The following SCHIP1 variants were observed in gnomAD, a reference collection of about 807,000 sequenced individuals.
SCHIP1 encodes schwannomin-interacting protein 1.
A neutral mutation model predicts 29.7 loss-of-function variants in SCHIP1; 8 were observed. That is an observed-to-expected ratio of 0.27 (90% confidence interval 0.16 to 0.49). The LOEUF (loss-of-function observed/expected upper bound fraction) is 0.49. Ranked by LOEUF, SCHIP1 falls within the 20% of genes least tolerant of loss-of-function variation. SCHIP1 has a pLI of 0.99. For missense variants in SCHIP1, 193 were observed against 294.6 expected, an observed-to-expected ratio of 0.66 and a Z score of 2.52; for synonymous variants, 76 against 94.9, an observed-to-expected ratio of 0.80 and a Z score of 1.16.
the SCHIP1 span, among the ~76,000 whole-genome samples, chr3:159,641,036 C>T: frequency 3.9e-5 from 6 of 152,038 alleles, no homozygotes; most frequent in East Asian, 1.9e-4. Flanking sequence ...AGCTGGAAAA[C>T]GAAGCCTAAA....
chr3:159,284,049 T>C, the SCHIP1 span, among the ~76,000 whole-genome samples: 1 of 152,230 alleles, frequency 6.6e-6, no homozygotes, highest in Admixed American at 6.5e-5. Context: ...GAATCAGGGC[T>C]GTGCAAGCTT....
At chr3:159,505,974 G>T in the SCHIP1 span, among the ~76,000 whole-genome samples, 16 of 152,026 alleles carry the variant, frequency 1.1e-4, no homozygotes, top group Non-Finnish European at 1.9e-4. Context: ...TAATCCTTTG[G>T]GTATATACCC....
chr3:159,826,154 AT>A, the SCHIP1 span, among the ~76,000 whole-genome samples: 1 of 152,214 alleles, frequency 6.6e-6, no homozygotes, highest in African/African-American at 2.4e-5. Context: ...TTTTAGAAGT[AT>A]TTTTAATTCA....
chr3:159,746,740 T>C, the SCHIP1 span, among the ~76,000 whole-genome samples: 1 of 152,228 alleles, frequency 6.6e-6, no homozygotes, highest in East Asian at 1.9e-4. Context: ...TCTTTCCAGC[T>C]ATTCTATACC....
chr3:159,867,778 C>A (rs1037329760), intron 2 of SCHIP1, among the ~76,000 whole-genome samples: 2 of 152,024 alleles, frequency 1.3e-5, no homozygotes, highest in African/African-American at 4.8e-5. Flanking sequence ...TAACAATTTA[C>A]TTAGTTTTAC....
At chr3:159,336,891 T>C in the SCHIP1 span, among the ~76,000 whole-genome samples, 4 of 152,192 alleles carry the variant, frequency 2.6e-5, no homozygotes, top group African/African-American at 9.7e-5. Flanking sequence ...AAGTCATTGG[T>C]AGCTTGATGG....
chr3:159,346,715 G>T, the SCHIP1 span, among the ~76,000 whole-genome samples: 1 of 152,098 alleles, frequency 6.6e-6, no homozygotes, highest in South Asian at 2.1e-4. Context: ...AGGGAAATAC[G>T]TGTGTGTGGG....
At chr3:159,426,955 T>G in the SCHIP1 span, among the ~76,000 whole-genome samples, 8 of 152,152 alleles carry the variant, frequency 5.3e-5, no homozygotes, top group Non-Finnish European at 7.3e-5. Flanking sequence ...CTCAATAGAT[T>G]CAGAAAAGGC....
the SCHIP1 span, among the ~76,000 whole-genome samples, chr3:159,802,012 G>A: frequency 1.3e-4 from 20 of 152,072 alleles, no homozygotes; most frequent in African/African-American, 4.8e-4. Flanking sequence ...GGCCACCATG[G>A]TTATAAAATT....
the SCHIP1 span, among the ~76,000 whole-genome samples, chr3:159,573,613 C>T: frequency 3.3e-5 from 5 of 152,214 alleles, no homozygotes; most frequent in East Asian, 9.7e-4. Flanking sequence ...CGAGGAATAT[C>T]TTTGTGGCAT....
chr3:159,612,452 T>G, the SCHIP1 span, among the ~76,000 whole-genome samples: 2 of 152,210 alleles, frequency 1.3e-5, no homozygotes, highest in Non-Finnish European at 2.9e-5. Context: ...AATATTTATA[T>G]TAAGAATTGT....
At chr3:159,731,310 A>G in the SCHIP1 span, among the ~76,000 whole-genome samples, 3 of 152,244 alleles carry the variant, frequency 2.0e-5, no homozygotes, top group Non-Finnish European at 2.9e-5. Flanking sequence ...AATCAACAGG[A>G]CAGCTTTGCA....
the SCHIP1 span, among the ~76,000 whole-genome samples, chr3:159,806,657 C>T: frequency 6.6e-6 from 1 of 152,228 alleles, no homozygotes; most frequent in Admixed American, 6.5e-5. Flanking sequence ...GCAGCAGCCA[C>T]AGCTGTAGAA....
the SCHIP1 span, among the ~76,000 whole-genome samples, chr3:159,400,829 A>C: frequency 6.6e-6 from 1 of 152,220 alleles, no homozygotes; most frequent in South Asian, 2.1e-4. Context: ...ACATAAGCAC[A>C]TAATATCCAT....
At chr3:159,622,947 G>C in the SCHIP1 span, among the ~76,000 whole-genome samples, 8 of 152,160 alleles carry the variant, frequency 5.3e-5, no homozygotes, top group African/African-American at 1.9e-4. Context: ...AATTTACATG[G>C]AGGAAACATA....
the SCHIP1 span, among the ~76,000 whole-genome samples, chr3:159,421,530 C>T: frequency 1.3e-5 from 2 of 152,126 alleles, no homozygotes; most frequent in Non-Finnish European, 2.9e-5. Context: ...TTAAAATATG[C>T]TTAACATTGG....
At chr3:159,690,938 T>C in the SCHIP1 span, among the ~76,000 whole-genome samples, 3 of 152,246 alleles carry the variant, frequency 2.0e-5, no homozygotes, top group Non-Finnish European at 2.9e-5. Context: ...AGTTCTAGTT[T>C]GATTGCACTG....
chr3:159,532,046 A>G, the SCHIP1 span, among the ~76,000 whole-genome samples: 1 of 152,304 alleles, frequency 6.6e-6, no homozygotes, highest in African/African-American at 2.4e-5. Context: ...GCCTGTTTAT[A>G]TTCTCTAGCT....
chr3:159,415,885 C>T, the SCHIP1 span, among the ~76,000 whole-genome samples: 1 of 152,092 alleles, frequency 6.6e-6, no homozygotes, highest in East Asian at 1.9e-4. Context: ...ACTTTAGTAA[C>T]AAAAATGTTA....
Sources: allele counts gnomAD v4.1 joint callset (sites outside exome capture counted in the v4.1 genomes callset), GRCh38; gene constraint gnomAD v4.1.1; transcripts MANE v1.5; gene names NCBI Gene and HGNC (gene_info 2026-07-23, HGNC 2026-07-21).